MAP7D3: variants seen among roughly 807,000 people sequenced by gnomAD.
MAP7D3 encodes the protein MAP7 domain-containing protein 3.
Under a neutral mutation model 62.2 loss-of-function variants are expected in MAP7D3, and 45 were observed. The observed-to-expected ratio is 0.72, with a 90% CI of 0.57 to 0.93. The LOEUF (loss-of-function observed/expected upper bound fraction) is 0.93. Ranked by LOEUF, MAP7D3 falls within the 40% of genes least tolerant of loss-of-function variation. The probability of loss-of-function intolerance (pLI) is 0.00; values close to 1 mark genes in which losing one functional copy is unlikely to be tolerated. For missense variants in MAP7D3, 711 were observed against 683.1 expected (o/e 1.04, Z -0.45); for synonymous variants, 288 against 248.8 (o/e 1.16, Z -1.48).
At position 136,246,128 on chromosome X, in the gene MAP7D3, T is replaced by C; in HGVS notation, c.190A>G (p.Lys64Glu). ...GCTAATCTTTGTTTTATGTCATTTT[T>C]AAGCATGGATCCATCGATTACTAAA... ...FKPVIDGSML[K>E]NDIKQRLARE... The change falls in exon 3 of 19, where the codon AAA (lysine) becomes GAA (glutamate). Residue 64 changes from lysine to glutamate, a missense_variant. Physicochemically the swap from Lys to Glu is moderately conservative, Grantham distance 56. Transcript: ENST00000316077. 1 of 1,196,251 alleles carries C rather than the reference T, an allele frequency of 8.4e-7. No homozygotes were observed. The highest frequency in any genetic ancestry group is 1.1e-6 in the Non-Finnish European group (1 of 883,567).
At chrX:136,244,072 G>C (rs755317384) in intron 4 of MAP7D3, among the ~76,000 whole-genome samples, 1 of 111,434 alleles carries the variant, frequency 9.0e-6, no homozygotes, top group Admixed American at 9.5e-5. Flanking sequence ...CATCCAGAGG[G>C]GCCCTGTCAG....
rs12556609 is a variant in MAP7D3 at position 136,233,419 on chromosome X, C to T, written c.737-1199G>A. Among the ~76,000 whole-genome samples, 16 of 107,631 alleles carry T rather than the reference C, an allele frequency of 1.5e-4. No individual in the cohort carries two copies. In the Admixed American group the frequency reaches 1.6e-3, roughly 11 times the overall value. The allele number at this position is 107,631 out of a possible 115,157, so 93.5% of individuals were successfully genotyped here. A position where few individuals can be genotyped will look rare whatever the true frequency, so the allele number is the denominator to read the frequency against. On this transcript the variant is annotated intron_variant, in intron 7 of 18. Transcript: ENST00000316077. ...ACTCCCAAGTAGCTGGGATTACAGA[C>T]ATGTGCCACCACACCCGGAAAATTT...
intron 3 of MAP7D3, 115 bp from the exon 4 acceptor site, chrX:136,244,910 A>G: frequency 1.9e-6 from 1 of 532,751 alleles, no homozygotes; most frequent in Non-Finnish European, 3.1e-6. Flanking sequence ...TCTTAAAATA[A>G]CACAACCTGT....
At chrX:136,239,665 T>C (rs1398887291) in intron 6 of MAP7D3, among the ~76,000 whole-genome samples, 1 of 112,341 alleles carries the variant, frequency 8.9e-6, no homozygotes, top group Non-Finnish European at 1.9e-5. Flanking sequence ...CACTGCTATA[T>C]ATATGCTATT....
chrX:136,225,300 G>C (rs1029988151), intron 13 of MAP7D3, among the ~76,000 whole-genome samples: 5 of 112,168 alleles, frequency 4.5e-5, no homozygotes, highest in African/African-American at 1.6e-4. Flanking sequence ...TGTTAATGAA[G>C]AGAGAAGATA....
chrX:136,256,461 C>A, exon 1 of MAP7D3: 1 of 558,086 alleles, frequency 1.8e-6, no homozygotes, highest in Non-Finnish European at 2.7e-6. Flanking sequence ...TTTCAACAGG[C>A]TGCTCTGTAC....
chrX:136,248,684 T>G (rs375493965), intron 1 of MAP7D3, among the ~76,000 whole-genome samples: 32 of 112,430 alleles, frequency 2.8e-4, no homozygotes, highest in African/African-American at 1.0e-3. Flanking sequence ...TTCTAAAAAC[T>G]TCCATAACAC....
At chrX:136,250,428 G>A (rs954168325) in intron 1 of MAP7D3, among the ~76,000 whole-genome samples, 3 of 111,837 alleles carry the variant, frequency 2.7e-5, no homozygotes, top group African/African-American at 9.8e-5. Context: ...GCAATGTGCT[G>A]TCAAATTGTA....
chrX:136,227,343 T>A lies in MAP7D3; in HGVS notation c.1975A>T (p.Asn659Tyr). The change falls in exon 12 of 19, where the codon AAT (asparagine) becomes TAT (tyrosine). Residue 659 changes from asparagine to tyrosine, a missense_variant. Coordinates refer to ENST00000316077, the MANE Select transcript of MAP7D3 (RefSeq NM_024597.4). ...CATCCTTTCTTCTTTTTAGTCTCAT[T>A]TTGTTGCTGCCCATCTTTGAGTTTC... Reference protein sequence around the residue: ...HLKLKDGQQQNETKKKKGWLD... With the variant: ...HLKLKDGQQQYETKKKKGWLD... 1.7e-6 allele frequency: 2 copies of A among 1,206,729 alleles called. No individual in the cohort carries two copies. Among genetic ancestry groups the A allele is most frequent in the Non-Finnish European group, 2.2e-6 (2 of 893,388 alleles).
At position 136,228,613 on chromosome X, in the gene MAP7D3, T is replaced by C; in HGVS notation, c.1886+10A>G. 1 of 1,201,570 alleles carries C rather than the reference T, an allele frequency of 8.3e-7. No individual in the cohort carries two copies. Among genetic ancestry groups the C allele is most frequent in the Non-Finnish European group, 1.1e-6 (1 of 891,527 alleles). ...GATTTATAGTATAGGAAGGAAGACT[T>C]TGTGCTGACCTTTGCTGCATTTCTT... On this transcript the variant is annotated intron_variant, in intron 11 of 18. Coordinates refer to ENST00000316077, the MANE Select transcript of MAP7D3 (RefSeq NM_024597.4).
rs755067752 is a variant in MAP7D3 at position 136,231,551 on chromosome X, G to A, written c.1406C>T (p.Ala469Val). The A allele has an allele frequency of 8.3e-6, 10 of 1,198,652 alleles. No homozygotes were observed. The highest frequency in any genetic ancestry group is 1.1e-5 in the Non-Finnish European group (10 of 889,854). Residue 469 changes from alanine (A) to valine (V), a missense_variant, in exon 8 of 19, where the codon GCT becomes GTT. Physicochemically the swap from Ala to Val is moderately conservative, Grantham distance 64 (BLOSUM62 0). Coordinates refer to ENST00000316077, the MANE Select transcript of MAP7D3 (RefSeq NM_024597.4). Reference sequence around the variant, plus strand: ...AACAGGCACTTGACAAACCTTTGGAGCGTCTCTCGCTTTTGCCTTGGGAGA... The same window carrying A: ...AACAGGCACTTGACAAACCTTTGGAACGTCTCTCGCTTTTGCCTTGGGAGA... Reference protein sequence around the residue: ...EASPKAKARDAPKKSEMDKQA... With the variant: ...EASPKAKARDVPKKSEMDKQA...
At chrX:136,242,012 C>T (rs1376430392) in intron 4 of MAP7D3, among the ~76,000 whole-genome samples, 1 of 110,893 alleles carries the variant, frequency 9.0e-6, no homozygotes, top group Admixed American at 9.7e-5. Context: ...ACTTTTAGGA[C>T]CAGAGATCTT....
chrX:136,231,809 A>G lies in MAP7D3; in HGVS notation c.1148T>C (p.Val383Ala). 1 of 1,210,857 alleles carries G rather than the reference A, an allele frequency of 8.3e-7. No homozygotes were observed. Among genetic ancestry groups the G allele is most frequent in the Non-Finnish European group, 1.1e-6 (1 of 895,196 alleles). ...TTCCAGGCTCGCCTCCGGGGATGCT[A>G]CTATGCTCACCTTGGGAACTGTTTC... ...DLETVPKVSI[V>A]ASPEASLEAP... The change falls in exon 8 of 19, where the codon GTA (valine) becomes GCA (alanine). Residue 383 changes from valine to alanine, a missense_variant. Val to Ala is a moderately conservative substitution (Grantham distance 64). Transcript: ENST00000316077.
intron 4 of MAP7D3, 53 bp from the exon 5 acceptor site, chrX:136,241,330 T>A: frequency 1.4e-6 from 1 of 700,052 alleles, no homozygotes; most frequent in Non-Finnish European, 2.1e-6. Context: ...ATTAGTATAA[T>A]TTTGATCTGT....
At chrX:136,255,398 T>A (rs2074546144), upstream of MAP7D3, among the ~76,000 whole-genome samples, 1 of 112,366 alleles carries the variant, frequency 8.9e-6, no homozygotes, top group African/African-American at 3.2e-5. Context: ...TCTAACATCA[T>A]TGGTAGATTA....
chrX:136,256,337 G>A, upstream of MAP7D3: 1 of 1,154,576 alleles, frequency 8.7e-7, no homozygotes, highest in Non-Finnish European at 1.1e-6. Flanking sequence ...TTGGTTGATG[G>A]CAGCCTTCTC....
downstream of MAP7D3, among the ~76,000 whole-genome samples, chrX:136,216,402 G>A (rs1455543117): frequency 1.9e-4 from 14 of 72,205 alleles, no homozygotes; most frequent in Middle Eastern, 7.5e-3. Flanking sequence ...GAAGAAGAAA[G>A]AAGAAGAAGA....
At chrX:136,235,057 T>C (rs2148411817) in intron 7 of MAP7D3, among the ~76,000 whole-genome samples, 1 of 111,236 alleles carries the variant, frequency 9.0e-6, no homozygotes, top group East Asian at 2.8e-4. Flanking sequence ...AAAATAACTC[T>C]AAGGAAAGAA....
chrX:136,240,242 T>A, intron 6 of MAP7D3, 140 bp downstream of exon 6: 1 of 412,374 alleles, frequency 2.4e-6, no homozygotes. Context: ...ACTATCTCTC[T>A]CCCTCTGCTG....
Sources: allele counts gnomAD v4.1 joint callset (sites outside exome capture counted in the v4.1 genomes callset), GRCh38; gene constraint gnomAD v4.1.1; transcripts MANE v1.5; gene names NCBI Gene and HGNC (gene_info 2026-07-23, HGNC 2026-07-21).